Variants in SLC7A14 observed in about 807,000 individuals in gnomAD.
The protein encoded by SLC7A14 is solute carrier family 7 member 14.
In SLC7A14, 37 loss-of-function variants were observed where a neutral mutation model predicts 60.2. The observed-to-expected ratio is 0.61, with a 90% CI of 0.47 to 0.81. The LOEUF (loss-of-function observed/expected upper bound fraction) is 0.81. SLC7A14 is among the 30% of genes least tolerant of loss of function. The pLI is 0.00. For missense variants in SLC7A14, 886 were observed against 982.7 expected, an observed-to-expected ratio of 0.90 and a Z score of 1.32; for synonymous variants, 399 against 395.8, an observed-to-expected ratio of 1.01 and a Z score of -0.10.
chr3:170,580,811 G>A (rs1218874947), intron 1 of SLC7A14, among the ~76,000 whole-genome samples: 1 of 152,158 alleles, frequency 6.6e-6, no homozygotes, highest in Non-Finnish European at 1.5e-5. Flanking sequence ...TAAATACAGT[G>A]AAGAAACATC....
In SLC7A14 at chr3:170,462,195, A is replaced by G. The variant is rs1038944045; in HGVS notation, c.*4860T>C. 1.3e-5 allele frequency: 2 copies of G among 152,226 alleles called. No homozygotes were observed. The highest frequency in any genetic ancestry group is 4.8e-5 in the African/African-American group (2 of 41,454). 9.4% of individuals were successfully genotyped at this position (152,226 alleles called of 1,614,324 possible). A position where few individuals can be genotyped will look rare whatever the true frequency, so the allele number is the denominator to read the frequency against. ...ACATCTTGGGCCCCTGGTAAAACCT[A>G]GTGCGAAAGGGGACGGCAATTTTCT... On this transcript the variant is annotated 3_prime_UTR_variant, in exon 8 of 8. Transcript: ENST00000231706.
chr3:170,580,113 G>T (rs1329676236), intron 1 of SLC7A14, among the ~76,000 whole-genome samples: 1 of 152,184 alleles, frequency 6.6e-6, no homozygotes, highest in Non-Finnish European at 1.5e-5. Context: ...CGAGTGTATG[G>T]CATGAATTAA....
At chr3:170,549,161 T>G (rs1045698911) in intron 1 of SLC7A14, among the ~76,000 whole-genome samples, 2 of 151,506 alleles carry the variant, frequency 1.3e-5, no homozygotes, top group Non-Finnish European at 2.9e-5. Context: ...AGAGAGAAAG[T>G]GACTAGTTCA....
rs1560244056 is a variant in SLC7A14, at chr3:170,463,311, A to T, written c.*3744T>A. On this transcript the variant is annotated 3_prime_UTR_variant, in exon 8 of 8. Coordinates refer to ENST00000231706, the MANE Select transcript of SLC7A14 (RefSeq NM_020949.3). ...AAACTAGTAGACCTTATTCATGCCG[A>T]TCCTTTGCTTGGCATGCCTTTCTCT... 1 of 152,034 alleles carries T rather than the reference A, an allele frequency of 6.6e-6. No homozygotes were observed. Among genetic ancestry groups the T allele is most frequent in the Non-Finnish European group, 1.5e-5 (1 of 68,024 alleles). 9.4% of individuals were successfully genotyped at this position (152,034 alleles called of 1,614,324 possible). A position where few individuals can be genotyped will look rare whatever the true frequency, so the allele number is the denominator to read the frequency against.
chr3:170,469,696 A>G (rs1011208417), intron 7 of SLC7A14, among the ~76,000 whole-genome samples: 1 of 152,104 alleles, frequency 6.6e-6, no homozygotes, highest in South Asian at 2.1e-4. Context: ...CTTTTTTGCC[A>G]TCTTTTCTTC....
chr3:170,488,964 T>C (rs1273178914), intron 4 of SLC7A14, among the ~76,000 whole-genome samples: 1 of 152,098 alleles, frequency 6.6e-6, no homozygotes, highest in African/African-American at 2.4e-5. Context: ...CATCCAACGT[T>C]TTCAAACGCA....
intron 1 of SLC7A14, among the ~76,000 whole-genome samples, chr3:170,567,000 T>A (rs1714809871): frequency 1.3e-5 from 2 of 151,470 alleles, no homozygotes; most frequent in African/African-American, 4.8e-5. Context: ...ATTTTTTATT[T>A]TTTTATTTTA....
chr3:170,510,403 AATAAAT>A (rs1386706597), intron 2 of SLC7A14, among the ~76,000 whole-genome samples: 10 of 138,020 alleles, frequency 7.2e-5, no homozygotes, highest in Admixed American at 2.2e-4. Context: ...AAAAAAAATA[AATAAAT>A]AAATAAATAA....
At chr3:170,512,946 A>G (rs796796448) in intron 2 of SLC7A14, among the ~76,000 whole-genome samples, 6 of 152,266 alleles carry the variant, frequency 3.9e-5, no homozygotes, top group African/African-American at 1.4e-4. Context: ...ATGAGGATGG[A>G]AGGCTGGCAT....
intron 2 of SLC7A14, among the ~76,000 whole-genome samples, chr3:170,503,799 T>C (rs1712686375): frequency 6.6e-6 from 1 of 152,222 alleles, no homozygotes. Flanking sequence ...GCCACCAGAA[T>C]ACACTTGCCA....
intron 1 of SLC7A14, among the ~76,000 whole-genome samples, chr3:170,541,508 ATTGC>A (rs1315394963): frequency 1.3e-5 from 2 of 152,164 alleles, no homozygotes; most frequent in African/African-American, 2.4e-5. Flanking sequence ...ACACAGGAGG[ATTGC>A]TTGAGCCCAG....
chr3:170,481,424 A>C (rs1711820182), intron 6 of SLC7A14, among the ~76,000 whole-genome samples: 2 of 130,156 alleles, frequency 1.5e-5, no homozygotes, highest in Non-Finnish European at 3.1e-5. Flanking sequence ...ATGGTGTCTC[A>C]CTCTGCTTAC....
At chr3:170,536,767 G>A (rs1713854236) in intron 1 of SLC7A14, among the ~76,000 whole-genome samples, 1 of 152,182 alleles carries the variant, frequency 6.6e-6, no homozygotes, top group African/African-American at 2.4e-5. Flanking sequence ...GTTGCAAAGT[G>A]TACTCATGAG....
chr3:170,467,299 C>A lies in SLC7A14; in HGVS notation c.2072G>T (p.Ser691Ile). The A allele has an allele frequency of 6.2e-7, 1 of 1,614,188 alleles. No homozygotes were observed. Among genetic ancestry groups the A allele is most frequent in the Non-Finnish European group, 8.5e-7 (1 of 1,180,028 alleles). ...ISAREEALHQ[S>I]TYQRYDVDDP... is the part of the protein sequence containing the mutation. ...ATCCACGTCGTAGCGTTGGTACGTG[C>A]TTTGGTGCAGGGCCTCTTCTCGAGC... The change falls in exon 8 of 8, where the codon AGC becomes ATC. Residue 691 changes from serine (S) to isoleucine (I), a missense_variant. Ser to Ile is a moderately radical substitution (Grantham distance 142, BLOSUM62 -2). Coordinates refer to ENST00000231706, the MANE Select transcript of SLC7A14 (RefSeq NM_020949.3).
chr3:170,495,634 C>G, intron 4 of SLC7A14: 2 of 808,974 alleles, frequency 2.5e-6, no homozygotes, highest in South Asian at 2.7e-5. Flanking sequence ...GGCATCACCA[C>G]TGTCACGTTC....
Position 170,467,084 on chromosome 3 carries a change from T to G in SLC7A14, c.2287A>C (p.Asn763His). The change falls in exon 8 of 8, where the codon AAT becomes CAT. Residue 763 changes from asparagine (N) to histidine (H), a missense_variant. By Grantham distance (68) the Asn-to-His change is moderately conservative. Coordinates refer to ENST00000231706, the MANE Select transcript of SLC7A14 (RefSeq NM_020949.3). ...HKQNSEALIANDELDYSPE is the reference protein window; with the variant it reads ...HKQNSEALIAHDELDYSPE ...TCTGGAGAGTAATCTAACTCATCAT[T>G]TGCAATCAGGGCCTCTGAGTTCTGT... 6.2e-7 allele frequency: 1 copy of G among 1,612,968 alleles called. No homozygotes were observed. Among genetic ancestry groups the G allele is most frequent in the Non-Finnish European group, 8.5e-7 (1 of 1,179,508 alleles).
At chr3:170,566,621 C>A (rs1714796556) in intron 1 of SLC7A14, among the ~76,000 whole-genome samples, 1 of 152,208 alleles carries the variant, frequency 6.6e-6, no homozygotes, top group South Asian at 2.1e-4. Flanking sequence ...GTCCCTGTCA[C>A]AACCACTTTT....
intron 1 of SLC7A14, among the ~76,000 whole-genome samples, chr3:170,578,740 C>A (rs1025491557): frequency 6.6e-6 from 1 of 152,118 alleles, no homozygotes; most frequent in Non-Finnish European, 1.5e-5. Context: ...ATGTTTAATT[C>A]TTCGGTCTTA....
intron 2 of SLC7A14, among the ~76,000 whole-genome samples, chr3:170,520,295 A>T (rs1713303312): frequency 6.6e-6 from 1 of 152,230 alleles, no homozygotes; most frequent in African/African-American, 2.4e-5. Flanking sequence ...ATTAAGTAAA[A>T]TAATGGGTTA....
Sources: allele counts gnomAD v4.1 joint callset (sites outside exome capture counted in the v4.1 genomes callset), GRCh38; gene constraint gnomAD v4.1.1; transcripts MANE v1.5; gene names NCBI Gene and HGNC (gene_info 2026-07-23, HGNC 2026-07-21).